SMIM9: variants seen among roughly 807,000 people sequenced by gnomAD.
SMIM9 encodes small integral membrane protein 9, also known as chromosome X open reading frame 68.
Under a neutral mutation model 7.2 loss-of-function variants are expected in SMIM9, and 8 were observed. The observed-to-expected ratio is 1.10, with a 90% CI of 0.65 to 1.99. SMIM9 has a LOEUF of 1.99. Ranked by LOEUF, SMIM9 falls within the 30% of genes most tolerant of loss-of-function variation. SMIM9 has a pLI of 0.00. For missense variants in SMIM9, 76 were observed against 69.3 expected (o/e 1.10, Z -0.34); for synonymous variants, 19 against 26.4 (o/e 0.72, Z 0.86).
Position 154,823,627 on chromosome X carries a change from A to T in SMIM9, c.*128T>A, listed in dbSNP as rs2148550443. On this transcript the variant is annotated 3_prime_UTR_variant, in exon 5 of 5. Transcript: ENST00000369529. ...AAGGAGAAAATGAAGGCAAAGGATG[A>T]TTCAAGTTGGAAGACGATTTAATTT... 1 of 576,335 alleles carries T rather than the reference A, an allele frequency of 1.7e-6. No homozygotes were observed. Among genetic ancestry groups the T allele is most frequent in the Non-Finnish European group, 2.5e-6 (1 of 393,874 alleles). 47.5% of individuals were successfully genotyped at this position (576,335 alleles called of 1,213,427 possible).
At chrX:154,830,546 A>T in intron 3 of SMIM9, 169 bp downstream of exon 3, 1 of 540,112 alleles carries the variant, frequency 1.9e-6, no homozygotes, top group Non-Finnish European at 2.9e-6. Flanking sequence ...AGGGCTTGGT[A>T]CGTAGTAGGT....
intron 4 of SMIM9, among the ~76,000 whole-genome samples, chrX:154,824,402 A>G (rs2072412219): frequency 9.1e-6 from 1 of 109,573 alleles, no homozygotes. Context: ...GAAAGATCAG[A>G]AAGTGCAATT....
chrX:154,824,850 T>TA (rs1295270248), intron 4 of SMIM9, among the ~76,000 whole-genome samples: 2 of 112,291 alleles, frequency 1.8e-5, no homozygotes, highest in Non-Finnish European at 3.8e-5. Flanking sequence ...CCTCAGGTAA[T>TA]AAGCAGCTAG....
At chrX:154,824,553 A>G (rs2072412830) in intron 4 of SMIM9, among the ~76,000 whole-genome samples, 1 of 111,236 alleles carries the variant, frequency 9.0e-6, no homozygotes, top group Non-Finnish European at 1.9e-5. Context: ...TTAATAAGAA[A>G]TTAGACTAAA....
intron 4 of SMIM9, among the ~76,000 whole-genome samples, chrX:154,826,694 T>C (rs1557270262): frequency 8.9e-6 from 1 of 112,907 alleles, no homozygotes; most frequent in Non-Finnish European, 1.9e-5. Context: ...TTTCTTGTGT[T>C]TTCCATATAG....
intron 2 of SMIM9, among the ~76,000 whole-genome samples, chrX:154,831,952 C>T (rs2072447393): frequency 9.0e-6 from 1 of 110,777 alleles, no homozygotes; most frequent in South Asian, 3.8e-4. Flanking sequence ...TCTCCAGAAC[C>T]TCATCAGAAC....
intron 3 of SMIM9, among the ~76,000 whole-genome samples, chrX:154,830,167 T>A (rs1420452028): frequency 9.0e-6 from 1 of 111,064 alleles, no homozygotes; most frequent in Non-Finnish European, 1.9e-5. Flanking sequence ...GGATGTTGGG[T>A]CTTTTCATTA....
At chrX:154,824,011 T>C in intron 4 of SMIM9, among the ~76,000 whole-genome samples, 1 of 111,859 alleles carries the variant, frequency 8.9e-6, no homozygotes, top group Non-Finnish European at 1.9e-5. Context: ...CTTTTGTTTT[T>C]AAAGTATCTT....
intron 4 of SMIM9, among the ~76,000 whole-genome samples, chrX:154,824,129 A>G (rs1307587937): frequency 5.4e-5 from 6 of 110,745 alleles, no homozygotes; most frequent in African/African-American, 9.8e-5. Flanking sequence ...AGGCCGAGGC[A>G]GGCAGATCAC....
chrX:154,824,940 T>G (rs2072414388), intron 4 of SMIM9, among the ~76,000 whole-genome samples: 1 of 112,085 alleles, frequency 8.9e-6, no homozygotes, highest in African/African-American at 3.3e-5. Flanking sequence ...AGAGAGGCTG[T>G]GTGCAATCCT....
At position 154,832,831 on chromosome X, in the gene SMIM9, T is replaced by C. The variant is rs1473755065; in HGVS notation, c.-209-148A>G. ...CTGTGTTGATACCAAAACCCATCCT[T>C]GCAGTAGTTCTATCCTCTTAGGCTT... On this transcript the variant is annotated intron_variant, in intron 1 of 4. Transcript: ENST00000369529. 1.2e-4 allele frequency: 13 copies of C among 112,359 alleles called. No homozygotes were observed. In the Admixed American group the frequency reaches 1.2e-3, roughly 11 times the overall value. 9.3% of individuals were successfully genotyped at this position (112,359 alleles called of 1,213,427 possible).
At position 154,832,602 on chromosome X, in the gene SMIM9, C is replaced by G. The variant is rs1172142198; in HGVS notation, c.-128G>C. On this transcript the variant is annotated 5_prime_UTR_variant, in exon 2 of 5. Transcript: ENST00000369529. ...AAAATGGACTTAGGACCACGGAATT[C>G]AAAGAAACCAGTGGAATTAGGCCTT... 6 of 111,836 alleles carry G rather than the reference C, an allele frequency of 5.4e-5. No individual in the cohort carries two copies. The highest frequency in any genetic ancestry group is 2.0e-4 in the African/African-American group (6 of 30,759). 9.2% of individuals were successfully genotyped at this position (111,836 alleles called of 1,213,427 possible).
chrX:154,830,540 CTTGGT>C, intron 3 of SMIM9, 170 bp downstream of exon 3: 1 of 510,009 alleles, frequency 2.0e-6, no homozygotes, highest in Non-Finnish European at 3.1e-6. Flanking sequence ...CAGAAAAGGG[CTTGGT>C]ACGTAGTAGG....
chrX:154,830,845 C>T lies in SMIM9; in HGVS notation c.12G>A (p.Gln4=). Residue 4 remains glutamine, a synonymous_variant, in exon 3 of 5, where the codon CAG becomes CAA. Coordinates refer to ENST00000369529, the MANE Select transcript of SMIM9 (RefSeq NM_001162936.4). Reference sequence around the variant, plus strand: ...GCAGAAATCCAATTATCAGCAGCTTCTGGGGTTCCATGGACTCCCGCCTTC... The same window carrying T: ...GCAGAAATCCAATTATCAGCAGCTTTTGGGGTTCCATGGACTCCCGCCTTC... MEP[Q]KLLIIGFLLC... is the part of the protein sequence containing the mutation. The T allele has an allele frequency of 8.6e-7, 1 of 1,167,079 alleles. No individual in the cohort carries two copies. The highest frequency in any genetic ancestry group is 1.1e-6 in the Non-Finnish European group (1 of 872,623).
intron 4 of SMIM9, among the ~76,000 whole-genome samples, chrX:154,824,551 A>C (rs1557270124): frequency 1.8e-5 from 2 of 111,151 alleles, no homozygotes; most frequent in Admixed American, 9.5e-5. Context: ...TTTTAATAAG[A>C]AATTAGACTA....
In SMIM9 at chrX:154,823,434, T is replaced by C. The variant is rs2072404908; in HGVS notation, c.*321A>G. On this transcript the variant is annotated 3_prime_UTR_variant, in exon 5 of 5. Coordinates refer to ENST00000369529, the MANE Select transcript of SMIM9 (RefSeq NM_001162936.4). The stretch of plus-strand genomic sequence containing the variant: ...CTTGTAATACATATATAGAAAAAAA[T>C]TGAAGGGAGGTACATCAAGATGTTA... The C allele has an allele frequency of 5.1e-6, 1 of 195,721 alleles. No individual in the cohort carries two copies. The highest frequency in any genetic ancestry group is 2.9e-5 in the African/African-American group (1 of 33,978). The allele number at this position is 195,721 out of a possible 1,213,427, so 16.1% of individuals were successfully genotyped here. A position where few individuals can be genotyped will look rare whatever the true frequency, so the allele number is the denominator to read the frequency against.
intron 4 of SMIM9, among the ~76,000 whole-genome samples, chrX:154,826,361 T>C (rs1366351619): frequency 8.9e-6 from 1 of 111,745 alleles, no homozygotes; most frequent in Non-Finnish European, 1.9e-5. Flanking sequence ...TTCCAACTAA[T>C]TTTCATCTTC....
chrX:154,829,848 T>G (rs1276927393), intron 3 of SMIM9, among the ~76,000 whole-genome samples, 184 bp from the exon 4 acceptor site: 2 of 112,733 alleles, frequency 1.8e-5, no homozygotes, highest in African/African-American at 6.4e-5. Flanking sequence ...ACATTTTGTT[T>G]TTAAAGTATC....
At chrX:154,829,235 C>G (rs1439487676) in intron 4 of SMIM9, among the ~76,000 whole-genome samples, 1 of 111,794 alleles carries the variant, frequency 8.9e-6, no homozygotes, top group African/African-American at 3.3e-5. Context: ...TCTTGAGCCA[C>G]AGGGAAGAAA....
Sources: allele counts gnomAD v4.1 joint callset (sites outside exome capture counted in the v4.1 genomes callset), GRCh38; gene constraint gnomAD v4.1.1; transcripts MANE v1.5; gene names NCBI Gene and HGNC (gene_info 2026-07-23, HGNC 2026-07-21).